The following LIX1L variants were observed in gnomAD, a reference collection of about 807,000 sequenced individuals.
The protein encoded by LIX1L is LIX1-like protein.
A neutral mutation model predicts 34.0 loss-of-function variants in LIX1L; 20 were observed. The ratio of observed to expected loss-of-function variants is 0.59; its 90% CI spans 0.41 to 0.85. The LOEUF is 0.85. Ranked by LOEUF, LIX1L falls within the 40% of genes least tolerant of loss-of-function variation. The pLI, the probability that LIX1L is intolerant of heterozygous loss-of-function variation, is 0.00. For synonymous variants in LIX1L, 170 were observed against 187.4 expected, an observed-to-expected ratio of 0.91 and a Z score of 0.76; for missense variants, 397 against 447.0, an observed-to-expected ratio of 0.89 and a Z score of 1.01.
Position 145,957,723 on chromosome 1 carries a change from C to A in LIX1L, c.205G>T (p.Gly69Cys), listed in dbSNP as rs1553760590. The A allele has an allele frequency of 6.8e-7, 1 of 1,477,626 alleles. No homozygotes were observed. The allele number at this position is 1,477,626 out of a possible 1,614,324, so 91.5% of individuals were successfully genotyped here. Residue 69 changes from glycine (G) to cysteine (C), a missense_variant, in exon 1 of 6, where the codon GGC (glycine) becomes TGC (cysteine). Coordinates refer to ENST00000604000, the MANE Select transcript of LIX1L (RefSeq NM_153713.3). ...AGCACTGCCGGGCTGCCGGCGGCGC[C>A]GGGGGGCAGGGGTAGTCCTGGGGCC... Reference protein sequence around the residue: ...SGAPGLPLPPGAAGSPAVLRE... With the variant: ...SGAPGLPLPPCAAGSPAVLRE...
intron 1 of LIX1L, among the ~76,000 whole-genome samples, chr1:145,956,761 TG>T (rs1553760410): frequency 6.6e-6 from 1 of 152,174 alleles, no homozygotes; most frequent in East Asian, 1.9e-4. Context: ...ACTATAAATC[TG>T]GAACTCAAAC....
Position 145,934,126 on chromosome 1 carries a change from A to G in LIX1L, c.*2184T>C, listed in dbSNP as rs1648527337. The G allele has an allele frequency of 6.6e-6, 1 of 152,088 alleles. No individual in the cohort carries two copies. Among genetic ancestry groups the G allele is most frequent in the Non-Finnish European group, 1.5e-5 (1 of 68,050 alleles). 9.4% of individuals were successfully genotyped at this position (152,088 alleles called of 1,614,324 possible). A position where few individuals can be genotyped will look rare whatever the true frequency, so the allele number is the denominator to read the frequency against. ...AGTTTAGAAAGTACATGGGACAATAATATAGTATAAATAAGAGATCACAGA... is the reference window on the plus strand; with the variant it reads ...AGTTTAGAAAGTACATGGGACAATAGTATAGTATAAATAAGAGATCACAGA... On this transcript the variant is annotated 3_prime_UTR_variant, in exon 6 of 6. Transcript: ENST00000604000.
At chr1:145,951,647 G>C (rs1478384146) in intron 1 of LIX1L, among the ~76,000 whole-genome samples, 2 of 152,170 alleles carry the variant, frequency 1.3e-5, no homozygotes, top group South Asian at 4.1e-4. Context: ...GCTCTTCAAA[G>C]GTCAATACTG....
chr1:145,933,642 C>T lies in LIX1L; in HGVS notation c.*2668G>A, dbSNP rs1196710934. 3.3e-5 allele frequency: 5 copies of T among 152,184 alleles called. No individual in the cohort carries two copies. Among genetic ancestry groups the T allele is most frequent in the Non-Finnish European group, 7.3e-5 (5 of 68,050 alleles). 9.4% of individuals were successfully genotyped at this position (152,184 alleles called of 1,614,324 possible). On this transcript the variant is annotated 3_prime_UTR_variant, in exon 6 of 6. Transcript: ENST00000604000. The stretch of plus-strand genomic sequence containing the variant: ...CCCACAACTCACACCCCTTAATCCA[C>T]ACGTCCCAGAGAAAGGAGAAACAGG...
At chr1:145,937,793 T>G in intron 3 of LIX1L, 94 bp from the exon 4 acceptor site, 1 of 773,660 alleles carries the variant, frequency 1.3e-6, no homozygotes, top group Non-Finnish European at 2.2e-6. Context: ...GCAAGCCACA[T>G]ATTTAATTCA....
At chr1:145,947,866 G>C (rs782346067) in intron 1 of LIX1L, 84 bp from the exon 2 acceptor site, 43 of 1,235,288 alleles carry the variant, frequency 3.5e-5, no homozygotes, top group Non-Finnish European at 4.2e-5. Context: ...CCTGTAACCT[G>C]TACCTACATT....
chr1:145,946,646 C>G (rs1268480521), intron 2 of LIX1L, among the ~76,000 whole-genome samples: 7 of 152,168 alleles, frequency 4.6e-5, no homozygotes, highest in Admixed American at 1.3e-4. Context: ...CTGCTAGGCA[C>G]TAAGATGGGT....
intron 3 of LIX1L, among the ~76,000 whole-genome samples, chr1:145,940,644 A>G (rs1570962852): frequency 7.3e-6 from 1 of 136,960 alleles, no homozygotes; most frequent in Non-Finnish European, 1.5e-5. Context: ...TCTGCCTTCC[A>G]GGTTCAAGTG....
chr1:145,946,343 C>T (rs1038690407), intron 2 of LIX1L, among the ~76,000 whole-genome samples: 2 of 151,732 alleles, frequency 1.3e-5, no homozygotes, highest in Non-Finnish European at 2.9e-5. Context: ...GGATTACAGG[C>T]GTGCACCACC....
At chr1:145,938,584 C>CT (rs56063107) in intron 3 of LIX1L, among the ~76,000 whole-genome samples, 52,580 of 145,892 alleles carry the variant, frequency 0.36, 11,159 homozygotes, top group Non-Finnish European at 0.48. Flanking sequence ...TAAAAATTTC[C>CT]TTTTTTTTTT....
At chr1:145,938,773 A>G (rs1553758164) in intron 3 of LIX1L, among the ~76,000 whole-genome samples, 1 of 151,960 alleles carries the variant, frequency 6.6e-6, no homozygotes, top group African/African-American at 2.4e-5. Flanking sequence ...TTTTTAGTGG[A>G]GACGGGGTTT....
intron 1 of LIX1L, among the ~76,000 whole-genome samples, chr1:145,951,442 G>C (rs1649297336): frequency 1.3e-5 from 2 of 152,170 alleles, no homozygotes; most frequent in Non-Finnish European, 2.9e-5. Context: ...TGGAGAAGCA[G>C]CATAAACTCT....
At chr1:145,945,198 G>A (rs587676674) in intron 2 of LIX1L, among the ~76,000 whole-genome samples, 1 of 150,914 alleles carries the variant, frequency 6.6e-6, no homozygotes, top group Admixed American at 6.6e-5. Flanking sequence ...GTGGCCGGAG[G>A]CAGAGGCAGG....
At chr1:145,952,711 A>G (rs1248833772) in intron 1 of LIX1L, among the ~76,000 whole-genome samples, 2 of 152,020 alleles carry the variant, frequency 1.3e-5, no homozygotes, top group African/African-American at 4.8e-5. Context: ...TCCAAGGTTC[A>G]AGCAATTCTC....
At chr1:145,955,075 C>T (rs1342040500) in intron 1 of LIX1L, among the ~76,000 whole-genome samples, 2 of 152,208 alleles carry the variant, frequency 1.3e-5, no homozygotes, top group African/African-American at 4.8e-5. Context: ...TTGTCCACCA[C>T]TGCATCTGGT....
At chr1:145,946,275 T>C (rs1239976499) in intron 2 of LIX1L, among the ~76,000 whole-genome samples, 2 of 150,094 alleles carry the variant, frequency 1.3e-5, no homozygotes, top group Non-Finnish European at 3.0e-5. Flanking sequence ...CTCAGATCAC[T>C]GCAATCTCCG....
rs930080909 is a variant in LIX1L, at chr1:145,957,957, G to C, written c.-30C>G. The C allele has an allele frequency of 2.2e-6, 3 of 1,385,682 alleles. No homozygotes were observed. In the African/African-American group the frequency reaches 4.5e-5, roughly 21 times the overall value. 85.8% of individuals were successfully genotyped at this position (1,385,682 alleles called of 1,614,324 possible). On this transcript the variant is annotated 5_prime_UTR_variant, in exon 1 of 6. Coordinates refer to ENST00000604000, the MANE Select transcript of LIX1L (RefSeq NM_153713.3). ...GCCGCCAATGGAGTAGCGCCCCGGA[G>C]CCTGCCAGCCTGCCGAGCTAACGGT...
chr1:145,950,568 G>C (rs868962269), intron 1 of LIX1L, among the ~76,000 whole-genome samples: 1 of 151,662 alleles, frequency 6.6e-6, no homozygotes, highest in Non-Finnish European at 1.5e-5. Flanking sequence ...GGGTTTCACC[G>C]TGTTAGCCAG....
chr1:145,937,508 C>T, intron 4 of LIX1L, 96 bp downstream of exon 4: 1 of 726,260 alleles, frequency 1.4e-6, no homozygotes. Flanking sequence ...CTTTCTTTTC[C>T]AGTATCAATG....
Sources: allele counts gnomAD v4.1 joint callset (sites outside exome capture counted in the v4.1 genomes callset), GRCh38; gene constraint gnomAD v4.1.1; transcripts MANE v1.5; gene names NCBI Gene and HGNC (gene_info 2026-07-23, HGNC 2026-07-21).